Variants in MAP10 observed in about 807,000 individuals in gnomAD.
MAP10 encodes the protein microtubule-associated protein 10.
A neutral mutation model predicts 6.3 loss-of-function variants in MAP10; 10 were observed. That is an observed-to-expected ratio of 1.58 (90% CI 0.98 to 2.69). The LOEUF is 2.69. MAP10 is among the 30% of genes most tolerant of loss of function. The pLI is 0.00. For missense variants in MAP10, 1,189 were observed against 1,086.5 expected, an observed-to-expected ratio of 1.09 and a Z score of -1.33; for synonymous variants, 459 against 429.3, an observed-to-expected ratio of 1.07 and a Z score of -0.86.
chr1:232,807,354 T>C lies in MAP10; in HGVS notation c.1905T>C (p.Ile635=). Residue 635 remains isoleucine (I), a synonymous_variant, in exon 1 of 1, where the codon ATT becomes ATC. Coordinates refer to ENST00000418460, the MANE Select transcript of MAP10 (RefSeq NM_019090.3). ...CAGAAAGGCTTACCCCTACAAATAT[T>C]CTGGGAGGAAATGTGGAAATGAAAA... ...IIPERLTPTN[I]LGGNVEMKIQ... 1 of 1,613,908 alleles carries C rather than the reference T, an allele frequency of 6.2e-7. No homozygotes were observed. Among genetic ancestry groups the C allele is most frequent in the Non-Finnish European group, 8.5e-7 (1 of 1,179,804 alleles).
At position 232,807,515 on chromosome 1, in the gene MAP10, A is replaced by G; in HGVS notation, c.2066A>G (p.Asn689Ser). 6.2e-6 allele frequency: 10 copies of G among 1,613,860 alleles called. No homozygotes were observed. The highest frequency in any genetic ancestry group is 8.5e-6 in the Non-Finnish European group (10 of 1,179,834). ...ADISDKRTGK[N>S]SCYENISELK... is the part of the protein sequence containing the mutation. The stretch of plus-strand genomic sequence containing the variant: ...ATAAGTGACAAGAGAACAGGTAAAA[A>G]TAGTTGCTATGAAAACATCTCAGAA... The change falls in exon 1 of 1, where the codon AAT (asparagine) becomes AGT (serine). Residue 689 changes from asparagine to serine, a missense_variant. Transcript: ENST00000418460.
rs554344328 is a variant in MAP10, at chr1:232,808,063, C to G, written c.2614C>G (p.His872Asp). 10 of 1,609,840 alleles carry G rather than the reference C, an allele frequency of 6.2e-6. No individual in the cohort carries two copies. Among genetic ancestry groups the G allele is most frequent in the Non-Finnish European group, 8.5e-6 (10 of 1,176,856 alleles). ...LNVLDSSTSDHFEEGNDDVGS... is the reference protein window; with the variant it reads ...LNVLDSSTSDDFEEGNDDVGS... ...TGTCCTGGATAGCAGTACATCAGATCACTTTGAAGAAGGCAATGATGATGT... is the reference window on the plus strand; with the variant it reads ...TGTCCTGGATAGCAGTACATCAGATGACTTTGAAGAAGGCAATGATGATGT... The change falls in exon 1 of 1, where the codon CAC becomes GAC. Residue 872 changes from histidine to aspartate, a missense_variant. Coordinates refer to ENST00000418460, the MANE Select transcript of MAP10 (RefSeq NM_019090.3).
rs749295617 is a variant in MAP10 at position 232,806,243 on chromosome 1, G to A, written c.794G>A (p.Gly265Asp). 5 of 1,613,968 alleles carry A rather than the reference G, an allele frequency of 3.1e-6. No homozygotes were observed. In the East Asian group the frequency reaches 1.1e-4, roughly 36 times the overall value. Residue 265 changes from glycine to aspartate, a missense_variant, in exon 1 of 1, where the codon GGC becomes GAC. Physicochemically the swap from Gly to Asp is moderately conservative, Grantham distance 94. Coordinates refer to ENST00000418460, the MANE Select transcript of MAP10 (RefSeq NM_019090.3). ...GATAATGTGGGTTCTGTGGAGAATG[G>A]CAAAACCAATTCTGTTGTTACATGT... ...ECDNVGSVENGKTNSVVTCSG... is the reference protein window; with the variant it reads ...ECDNVGSVENDKTNSVVTCSG...
chr1:232,807,605 C>A lies in MAP10; in HGVS notation c.2156C>A (p.Thr719Asn), dbSNP rs770139294. Residue 719 changes from threonine to asparagine, a missense_variant, in exon 1 of 1, where the codon ACC becomes AAC. Thr to Asn is a moderately conservative substitution (Grantham distance 65). Transcript: ENST00000418460. ...GAAGATTTCTGTACCAGTGAGGACA[C>A]CAGCAGAAGTTTCAAAGCTCATGAT... ...YSEDFCTSED[T>N]SRSFKAHDSS... is the part of the protein sequence containing the mutation. 7 of 1,609,718 alleles carry A rather than the reference C, an allele frequency of 4.3e-6. No homozygotes were observed. The highest frequency in any genetic ancestry group is 5.9e-6 in the Non-Finnish European group (7 of 1,177,740).
Position 232,807,844 on chromosome 1 carries a change from T to G in MAP10, c.2395T>G (p.Leu799Val). Reference sequence around the variant, plus strand: ...AGCATCTAGTATCTCTGCTAGTGATTTATCTTCAACACATTGGACTGAACA... The same window carrying G: ...AGCATCTAGTATCTCTGCTAGTGATGTATCTTCAACACATTGGACTGAACA... Reference protein sequence around the residue: ...EEASSISASDLSSTHWTEQKE... With the variant: ...EEASSISASDVSSTHWTEQKE... The change falls in exon 1 of 1, where the codon TTA (leucine) becomes GTA (valine). Residue 799 changes from leucine (L) to valine (V), a missense_variant. Coordinates refer to ENST00000418460, the MANE Select transcript of MAP10 (RefSeq NM_019090.3). The G allele has an allele frequency of 6.2e-7, 1 of 1,613,564 alleles. No homozygotes were observed.
Position 232,807,575 on chromosome 1 carries a change from A to G in MAP10, c.2126A>G (p.Tyr709Cys). ...TCAGATGATTTGTCTAGCCCTTGCT[A>G]TTCTGAAGATTTCTGTACCAGTGAG... The part of the protein sequence containing the change: ...KYSDDLSSPC[Y>C]SEDFCTSEDT... Residue 709 changes from tyrosine (Y) to cysteine (C), a missense_variant, in exon 1 of 1, where the codon TAT becomes TGT. Tyr to Cys is a radical substitution (Grantham distance 194). Coordinates refer to ENST00000418460, the MANE Select transcript of MAP10 (RefSeq NM_019090.3). 1 of 1,611,472 alleles carries G rather than the reference A, an allele frequency of 6.2e-7. No homozygotes were observed. The highest frequency in any genetic ancestry group is 8.5e-7 in the Non-Finnish European group (1 of 1,178,568).
At position 232,805,864 on chromosome 1, in the gene MAP10, C is replaced by T. The variant is rs547364121; in HGVS notation, c.415C>T (p.Leu139=). The change falls in exon 1 of 1, where the codon CTG becomes TTG. Residue 139 remains leucine, a synonymous_variant. Coordinates refer to ENST00000418460, the MANE Select transcript of MAP10 (RefSeq NM_019090.3). ...GCTCCTGGGGGCCTGCGACATTTCG[C>T]TGGCCACCGCAGCGCACAGGGTCGT... is the stretch of plus-strand genomic sequence containing the variant. ...PQLLGACDIS[L]ATAAHRVVGP... The T allele has an allele frequency of 8.2e-6, 13 of 1,590,236 alleles. No homozygotes were observed. Among genetic ancestry groups the T allele is most frequent in the South Asian group, 7.9e-5 (7 of 88,662 alleles).
Position 232,806,983 on chromosome 1 carries a change from C to T in MAP10, c.1534C>T (p.Pro512Ser), listed in dbSNP as rs1666117227. The T allele has an allele frequency of 6.2e-7, 1 of 1,612,956 alleles. No homozygotes were observed. The highest frequency in any genetic ancestry group is 8.5e-7 in the Non-Finnish European group (1 of 1,179,608). The change falls in exon 1 of 1, where the codon CCT becomes TCT. Residue 512 changes from proline (P) to serine (S), a missense_variant. Transcript: ENST00000418460. Reference sequence around the variant, plus strand: ...AAGACTACGTTTAAAGCTGACAAATCCTGATATGTTGGTGGTACATGAAAA... The same window carrying T: ...AAGACTACGTTTAAAGCTGACAAATTCTGATATGTTGGTGGTACATGAAAA... ...TLRLRLKLTN[P>S]DMLVVHEKRE...
rs1336031498 is a variant in MAP10 at position 232,806,369 on chromosome 1, C to A, written c.920C>A (p.Thr307Asn). The A allele has an allele frequency of 1.9e-6, 3 of 1,613,768 alleles. No individual in the cohort carries two copies. The highest frequency in any genetic ancestry group is 2.5e-6 in the Non-Finnish European group (3 of 1,179,890). The change falls in exon 1 of 1, where the codon ACT (threonine) becomes AAT (asparagine). Residue 307 changes from threonine to asparagine, a missense_variant. Physicochemically the swap from Thr to Asn is moderately conservative, Grantham distance 65. Transcript: ENST00000418460. Reference protein sequence around the residue: ...NIFCPPPLYYTNLTQEKPPPA... With the variant: ...NIFCPPPLYYNNLTQEKPPPA... The stretch of plus-strand genomic sequence containing the variant: ...TTTTGCCCTCCTCCTTTGTATTACA[C>A]TAACTTGACCCAAGAAAAACCGCCC...
chr1:232,805,530 GT>G, the MAP10 span: 1 of 1,563,154 alleles, frequency 6.4e-7, no homozygotes, highest in South Asian at 1.2e-5. Context: ...GGCTGCTGCC[GT>G]CCCCCGCTGC....
rs755974630 is a variant in MAP10, at chr1:232,805,508, G to A, written c.59G>A (p.Arg20His). 6.4e-7 allele frequency: 1 copy of A among 1,572,048 alleles called. No individual in the cohort carries two copies. Among genetic ancestry groups the A allele is most frequent in the African/African-American group, 1.3e-5 (1 of 74,116 alleles). ...CTGGAGCTGCTGGTGGACTGGGTGC[G>A]TTTGGAAGCCCGGCTGCTGCCGTCC... is the stretch of plus-strand genomic sequence containing the variant. ...FSLELLVDWV[R>H]LEARLLPSPA... Residue 20 changes from arginine (R) to histidine (H), a missense_variant, in exon 1 of 1, where the codon CGT becomes CAT. Transcript: ENST00000418460.
Position 232,808,157 on chromosome 1 carries a change from A to T in MAP10, c.2708A>T (p.Tyr903Phe). 1 of 1,559,842 alleles carries T rather than the reference A, an allele frequency of 6.4e-7. No individual in the cohort carries two copies. Among genetic ancestry groups the T allele is most frequent in the Non-Finnish European group, 8.7e-7 (1 of 1,149,110 alleles). Residue 903 changes from tyrosine (Y) to phenylalanine (F), a missense_variant, in exon 1 of 1, where the codon TAC (tyrosine) becomes TTC (phenylalanine). Tyr to Phe is a conservative substitution (Grantham distance 22, BLOSUM62 3). Coordinates refer to ENST00000418460, the MANE Select transcript of MAP10 (RefSeq NM_019090.3). ...CELVINKLPG[Y>F]TM is the part of the protein sequence containing the mutation. ...TTAGTAATAAATAAACTTCCAGGAT[A>T]CACAATGTAAAAATACATGCTTTTA...
chr1:232,808,291 C>T lies in MAP10; in HGVS notation c.*124C>T, dbSNP rs1316559258. The T allele has an allele frequency of 5.5e-6, 3 of 542,826 alleles. No individual in the cohort carries two copies. The highest frequency in any genetic ancestry group is 9.5e-6 in the Non-Finnish European group (3 of 315,488). The allele number at this position is 542,826 out of a possible 1,614,324, so 33.6% of individuals were successfully genotyped here. A position where few individuals can be genotyped will look rare whatever the true frequency, so the allele number is the denominator to read the frequency against. On this transcript the variant is annotated 3_prime_UTR_variant, in exon 1 of 1. Coordinates refer to ENST00000418460, the MANE Select transcript of MAP10 (RefSeq NM_019090.3). ...TAAAGAAATATGAATTAACGTTATT[C>T]CTTTGATGTTTAAATGGTATTTTAC...
chr1:232,807,684 T>TATATTTG, the MAP10 span: 1 of 1,613,320 alleles, frequency 6.2e-7, no homozygotes, highest in Non-Finnish European at 8.5e-7. Context: ...GCAAGTCTAG[T>TATATTTG]GACACAGGAG....
In MAP10 at chr1:232,807,755, G is replaced by C; in HGVS notation, c.2306G>C (p.Gly769Ala). ...SSILSPPFSA[G>A]SPVHSYRKFH... ...ATCCTTAGCCCACCTTTTTCAGCCG[G>C]GTCACCTGTACACTCATACAGAAAA... Residue 769 changes from glycine (G) to alanine (A), a missense_variant, in exon 1 of 1, where the codon GGG becomes GCG. Physicochemically the swap from Gly to Ala is moderately conservative, Grantham distance 60 (BLOSUM62 0). Transcript: ENST00000418460. 1 of 1,613,260 alleles carries C rather than the reference G, an allele frequency of 6.2e-7. No individual in the cohort carries two copies. Among genetic ancestry groups the C allele is most frequent in the Non-Finnish European group, 8.5e-7 (1 of 1,179,702 alleles).
Position 232,806,301 on chromosome 1 carries a change from C to G in MAP10, c.852C>G (p.Ser284=). The part of the protein sequence containing the change: ...SGAGNGRNVS[S]LNEEVTELDM... ...CTGGCAATGGGAGAAATGTTAGCTC[C>G]CTAAATGAGGAAGTCACAGAATTGG... The change falls in exon 1 of 1, where the codon TCC becomes TCG. Residue 284 remains serine, a synonymous_variant. Coordinates refer to ENST00000418460, the MANE Select transcript of MAP10 (RefSeq NM_019090.3). The G allele has an allele frequency of 6.2e-7, 1 of 1,613,910 alleles. No homozygotes were observed. The highest frequency in any genetic ancestry group is 2.2e-5 in the East Asian group (1 of 44,882).
chr1:232,808,213 A>G lies in MAP10; in HGVS notation c.*46A>G, dbSNP rs376276983. ...CTTTCAAGGACCTATGTGTACTGTT[A>G]GTGAAAAAAATTTTAAAGCTGTTTT... On this transcript the variant is annotated 3_prime_UTR_variant, in exon 1 of 1. Transcript: ENST00000418460. 7 of 1,289,070 alleles carry G rather than the reference A, an allele frequency of 5.4e-6. No individual in the cohort carries two copies. The highest frequency in any genetic ancestry group is 7.1e-6 in the Non-Finnish European group (7 of 980,214). The allele number at this position is 1,289,070 out of a possible 1,614,324, so 79.9% of individuals were successfully genotyped here.
chr1:232,809,696 AAGC>A lies in MAP10; in HGVS notation c.*1532_*1534del, dbSNP rs1258544535. ...AATATTTTAAATTATTGAAAATAAT[AAGC>A]AGAGAAATTATATCAGTTAAAGTTT... On this transcript the variant is annotated 3_prime_UTR_variant, in exon 1 of 1. Coordinates refer to ENST00000418460, the MANE Select transcript of MAP10 (RefSeq NM_019090.3). 3.3e-5 allele frequency among the ~76,000 whole-genome samples: 5 copies of A among 152,108 alleles called. No homozygotes were observed. Among genetic ancestry groups the A allele is most frequent in the Admixed American group, 6.6e-5 (1 of 15,266 alleles).
chr1:232,806,920 C>G lies in MAP10; in HGVS notation c.1471C>G (p.Pro491Ala). The G allele has an allele frequency of 6.2e-7, 1 of 1,607,472 alleles. No individual in the cohort carries two copies. The highest frequency in any genetic ancestry group is 1.3e-5 in the African/African-American group (1 of 74,408). The change falls in exon 1 of 1, where the codon CCA becomes GCA. Residue 491 changes from proline to alanine, a missense_variant. Coordinates refer to ENST00000418460, the MANE Select transcript of MAP10 (RefSeq NM_019090.3). ...CAGTGGTGCCCTCCATAAAAGAGTTCCAAAAGGGAGGCTACTTTATGGCTT... is the reference window on the plus strand; with the variant it reads ...CAGTGGTGCCCTCCATAAAAGAGTTGCAAAAGGGAGGCTACTTTATGGCTT... ...KSSGALHKRV[P>A]KGRLLYGLTN...
Sources: gnomAD v4.1 joint callset for allele counts (sites outside exome capture counted in the v4.1 genomes callset) on GRCh38, gnomAD v4.1.1 for gene constraint, MANE v1.5 for transcripts, NCBI Gene and HGNC (gene_info 2026-07-23, HGNC 2026-07-21) for gene names.